FRMD5: variants seen among roughly 807,000 people sequenced by gnomAD.
The protein encoded by FRMD5 is FERM domain containing 5.
A neutral mutation model predicts 69.0 loss-of-function variants in FRMD5; 20 were observed. That is an observed-to-expected ratio of 0.29 (90% confidence interval 0.20 to 0.42). FRMD5 has a LOEUF of 0.42. Ranked by LOEUF, FRMD5 falls within the 10% of genes least tolerant of loss-of-function variation. The pLI is 1.00. For missense variants in FRMD5, 595 were observed against 708.6 expected, an observed-to-expected ratio of 0.84 and a Z score of 1.82; for synonymous variants, 271 against 260.1, an observed-to-expected ratio of 1.04 and a Z score of -0.40.
chr15:44,042,962 C>T (rs1376595298), intron 1 of FRMD5, among the ~76,000 whole-genome samples: 1 of 152,122 alleles, frequency 6.6e-6, no homozygotes, highest in Non-Finnish European at 1.5e-5. Flanking sequence ...AAAGGGTATT[C>T]AATTAGGAAA....
chr15:44,017,617 T>TC (rs997431282), intron 1 of FRMD5, among the ~76,000 whole-genome samples: 2 of 149,592 alleles, frequency 1.3e-5, no homozygotes, highest in Non-Finnish European at 3.0e-5. Flanking sequence ...AATATTTCTT[T>TC]TTTTTTTTTT....
intron 1 of FRMD5, among the ~76,000 whole-genome samples, chr15:44,066,735 T>A (rs1893327877): frequency 6.6e-6 from 1 of 152,006 alleles, no homozygotes; most frequent in African/African-American, 2.4e-5. Flanking sequence ...TGATAGAAAG[T>A]GTGTAAGAAG....
chr15:44,020,413 T>C (rs1298258987), intron 1 of FRMD5, among the ~76,000 whole-genome samples: 1 of 152,200 alleles, frequency 6.6e-6, no homozygotes, highest in Admixed American at 6.5e-5. Flanking sequence ...AGCTAGGCAC[T>C]TTTCTAGGTG....
At chr15:44,082,819 T>C (rs2140452168) in intron 1 of FRMD5, among the ~76,000 whole-genome samples, 1 of 152,126 alleles carries the variant, frequency 6.6e-6, no homozygotes, top group Middle Eastern at 3.4e-3. Context: ...AATTGGCTAA[T>C]TCACAAGGAT....
chr15:43,877,066 C>G (rs1445179121), intron 13 of FRMD5, among the ~76,000 whole-genome samples: 1 of 152,144 alleles, frequency 6.6e-6, no homozygotes. Context: ...TGAGTGAGCG[C>G]GGCCCCCATC....
In FRMD5 at chr15:43,870,948, G is replaced by A. The variant is rs1243423117; in HGVS notation, c.*2937C>T. On this transcript the variant is annotated 3_prime_UTR_variant, in exon 14 of 14. Coordinates refer to ENST00000417257, the MANE Select transcript of FRMD5 (RefSeq NM_032892.5). ...AAATGTATCTAAGAAATTCACATTT[G>A]CAGGTAGTTTACCCTCTACTGCTTA... 6.6e-6 allele frequency: 1 copy of A among 152,164 alleles called. No homozygotes were observed. Among genetic ancestry groups the A allele is most frequent in the African/African-American group, 2.4e-5 (1 of 41,436 alleles). The allele number at this position is 152,164 out of a possible 1,614,324, so 9.4% of individuals were successfully genotyped here.
At chr15:44,156,599 T>C (rs967975930) in intron 1 of FRMD5, among the ~76,000 whole-genome samples, 1 of 152,228 alleles carries the variant, frequency 6.6e-6, no homozygotes, top group East Asian at 1.9e-4. Flanking sequence ...TTTTTATGTG[T>C]TTCCAGGAAC....
chr15:43,900,145 T>C (rs1346473681), intron 7 of FRMD5, among the ~76,000 whole-genome samples: 4 of 152,090 alleles, frequency 2.6e-5, no homozygotes, highest in African/African-American at 7.2e-5. Context: ...GGAGCAGTTA[T>C]TGAACACAGA....
At chr15:43,962,797 C>A (rs1443547561) in intron 1 of FRMD5, among the ~76,000 whole-genome samples, 2 of 152,134 alleles carry the variant, frequency 1.3e-5, no homozygotes, top group South Asian at 4.1e-4. Flanking sequence ...GAAAAACAAG[C>A]AATGGGGAAA....
intron 1 of FRMD5, among the ~76,000 whole-genome samples, chr15:44,003,985 T>A (rs1350537074): frequency 6.6e-6 from 1 of 152,232 alleles, no homozygotes; most frequent in Non-Finnish European, 1.5e-5. Context: ...TATTTGCTGA[T>A]GTTAAATGAA....
At chr15:43,948,720 C>T (rs759333579) in intron 1 of FRMD5, among the ~76,000 whole-genome samples, 23 of 152,140 alleles carry the variant, frequency 1.5e-4, no homozygotes, top group Non-Finnish European at 3.1e-4. Flanking sequence ...TATTTATATG[C>T]AACCAGTTCT....
chr15:44,175,369 A>G (rs2077875742), intron 1 of FRMD5, among the ~76,000 whole-genome samples: 2 of 152,224 alleles, frequency 1.3e-5, no homozygotes, highest in Non-Finnish European at 2.9e-5. Flanking sequence ...TTTATACTCC[A>G]TATCATTAGC....
chr15:43,982,175 A>G (rs1445070739), intron 1 of FRMD5, among the ~76,000 whole-genome samples: 2 of 152,204 alleles, frequency 1.3e-5, no homozygotes, highest in African/African-American at 4.8e-5. Flanking sequence ...AAAGGTCCTT[A>G]TGATTCCCTG....
chr15:44,039,728 C>T (rs529206884), intron 1 of FRMD5, among the ~76,000 whole-genome samples: 1 of 152,152 alleles, frequency 6.6e-6, no homozygotes, highest in South Asian at 2.1e-4. Flanking sequence ...GAAACCAGTG[C>T]AAAAAGGCTG....
intron 7 of FRMD5, among the ~76,000 whole-genome samples, chr15:43,900,874 C>T (rs576189276): frequency 2.0e-5 from 3 of 152,260 alleles, no homozygotes; most frequent in African/African-American, 7.2e-5. Context: ...ACCTTGGCCT[C>T]CCAAAGTGCT....
intron 1 of FRMD5, among the ~76,000 whole-genome samples, chr15:44,082,965 G>A (rs766145029): frequency 7.2e-5 from 11 of 151,916 alleles, no homozygotes; most frequent in Non-Finnish European, 1.5e-4. Context: ...GGTACCAAAG[G>A]AGTGTGATGC....
At chr15:44,057,422 C>T (rs1439723396) in intron 1 of FRMD5, among the ~76,000 whole-genome samples, 2 of 152,156 alleles carry the variant, frequency 1.3e-5, no homozygotes, top group Admixed American at 6.5e-5. Flanking sequence ...TTCTATCTAT[C>T]CTATCTGGAG....
chr15:43,905,253 C>T (rs1411000657), intron 6 of FRMD5, among the ~76,000 whole-genome samples: 1 of 151,806 alleles, frequency 6.6e-6, no homozygotes, highest in Non-Finnish European at 1.5e-5. Flanking sequence ...TCTCCCGCCT[C>T]AGCCTCCGGA....
rs938045169 is a variant in FRMD5 at position 43,918,914 on chromosome 15, G to A, written c.329+545C>T. On this transcript the variant is annotated intron_variant, in intron 4 of 13. Coordinates refer to ENST00000417257, the MANE Select transcript of FRMD5 (RefSeq NM_032892.5). Reference sequence around the variant, plus strand: ...CCTCAAGTGGCGCTGGATGAGACAGGATGCATTCCACGCAGCTGTCGGCCT... The same window carrying A: ...CCTCAAGTGGCGCTGGATGAGACAGAATGCATTCCACGCAGCTGTCGGCCT... 3.8e-5 allele frequency: 7 copies of A among 183,700 alleles called. No individual in the cohort carries two copies. In the East Asian group the frequency reaches 9.9e-4, roughly 26 times the overall value. The allele number at this position is 183,700 out of a possible 1,614,324, so 11.4% of individuals were successfully genotyped here.
Sources: gnomAD v4.1 joint callset for allele counts (sites outside exome capture counted in the v4.1 genomes callset) on GRCh38, gnomAD v4.1.1 for gene constraint, MANE v1.5 for transcripts, NCBI Gene and HGNC (gene_info 2026-07-23, HGNC 2026-07-21) for gene names.